The following PCBP3 variants were observed in gnomAD, a reference collection of about 807,000 sequenced individuals.
The protein encoded by PCBP3 is poly(rC) binding protein 3, also known as poly(rC)-binding protein 3.
A neutral mutation model predicts 52.7 loss-of-function variants in PCBP3; 25 were observed. That is an observed-to-expected ratio of 0.47 (90% CI 0.35 to 0.66). The LOEUF (loss-of-function observed/expected upper bound fraction) is 0.66, where lower values mean the gene tolerates loss of function less well. PCBP3 is among the 30% of genes least tolerant of loss of function. PCBP3 has a pLI of 0.01. For missense variants in PCBP3, 391 were observed against 490.3 expected, an observed-to-expected ratio of 0.80 and a Z score of 1.91; for synonymous variants, 162 against 183.0, an observed-to-expected ratio of 0.89 and a Z score of 0.93.
intron 4 of PCBP3, among the ~76,000 whole-genome samples, chr21:45,768,930 G>A (rs146142548): frequency 3.3e-5 from 5 of 152,358 alleles, no homozygotes; most frequent in East Asian, 3.9e-4. Context: ...GCTCCAAGGC[G>A]CAATCAGGGC....
chr21:45,644,440 T>C (rs937643109), intron 1 of PCBP3, among the ~76,000 whole-genome samples: 2 of 151,924 alleles, frequency 1.3e-5, no homozygotes, highest in African/African-American at 4.8e-5. Context: ...ATTTTGGGGG[T>C]GGTTAGAACG....
intron 3 of PCBP3, among the ~76,000 whole-genome samples, chr21:45,753,940 C>G (rs1311744208): frequency 6.6e-6 from 1 of 152,196 alleles, no homozygotes. Flanking sequence ...ACATTCATTA[C>G]TATTTGTTTC....
At chr21:45,899,928 T>G (rs1281734155) in intron 7 of PCBP3, among the ~76,000 whole-genome samples, 1 of 152,116 alleles carries the variant, frequency 6.6e-6, no homozygotes, top group African/African-American at 2.4e-5. Context: ...AAGAATGATT[T>G]CTCACGCCTT....
At chr21:45,719,194 T>A (rs2084441095) in intron 2 of PCBP3, among the ~76,000 whole-genome samples, 1 of 152,086 alleles carries the variant, frequency 6.6e-6, no homozygotes, top group Non-Finnish European at 1.5e-5. Context: ...GCAATAAGGT[T>A]GGCTTTACCT....
At chr21:45,915,113 G>A in intron 12 of PCBP3, 1 of 152,372 alleles carries the variant, frequency 6.6e-6, no homozygotes, top group Non-Finnish European at 1.5e-5. Flanking sequence ...CCACAGCCTG[G>A]CACACACCCC....
intron 4 of PCBP3, among the ~76,000 whole-genome samples, chr21:45,789,535 G>C (rs1473007839): frequency 6.6e-6 from 1 of 152,184 alleles, no homozygotes; most frequent in Non-Finnish European, 1.5e-5. Flanking sequence ...GGAAAGATGA[G>C]GGTGTGAGCC....
chr21:45,832,561 C>G (rs2093477949), intron 4 of PCBP3: 3 of 152,220 alleles, frequency 2.0e-5, no homozygotes, highest in Admixed American at 2.0e-4. Flanking sequence ...GACCCCACAC[C>G]TACATCATGT....
At chr21:45,825,313 G>C (rs747795878) in intron 4 of PCBP3, among the ~76,000 whole-genome samples, 1 of 152,224 alleles carries the variant, frequency 6.6e-6, no homozygotes, top group African/African-American at 2.4e-5. Context: ...ACTGCTGCCT[G>C]TCTGCATGGC....
At chr21:45,712,128 G>T (rs1253253613) in intron 2 of PCBP3, among the ~76,000 whole-genome samples, 1 of 152,130 alleles carries the variant, frequency 6.6e-6, no homozygotes, top group Non-Finnish European at 1.5e-5. Context: ...AATATACCTT[G>T]ATTTGTTTAT....
At chr21:45,820,892 G>C (rs1339726011) in intron 4 of PCBP3, among the ~76,000 whole-genome samples, 3 of 152,064 alleles carry the variant, frequency 2.0e-5, no homozygotes, top group Non-Finnish European at 4.4e-5. Context: ...CTTCAGCAGA[G>C]GCCCTCAGGA....
chr21:45,933,214 G>A (rs941040045), intron 15 of PCBP3, among the ~76,000 whole-genome samples: 4 of 152,078 alleles, frequency 2.6e-5, no homozygotes, highest in African/African-American at 9.7e-5. Flanking sequence ...GCTGTCCTGA[G>A]ACGAATGAAC....
intron 5 of PCBP3, chr21:45,873,341 C>T (rs2095113842): frequency 6.6e-6 from 1 of 152,194 alleles, no homozygotes; most frequent in Non-Finnish European, 1.5e-5. Flanking sequence ...ACTGCATGTA[C>T]CTTGTCTCAC....
intron 5 of PCBP3, among the ~76,000 whole-genome samples, chr21:45,884,455 A>G (rs1569432381): frequency 6.6e-6 from 1 of 152,140 alleles, no homozygotes; most frequent in Non-Finnish European, 1.5e-5. Context: ...TACACACACA[A>G]ATATATATAT....
chr21:45,869,845 C>T (rs1376534251), intron 5 of PCBP3, among the ~76,000 whole-genome samples: 1 of 152,246 alleles, frequency 6.6e-6, no homozygotes, highest in African/African-American at 2.4e-5. Flanking sequence ...CATTCCCTCG[C>T]AGGCAGGGCC....
intron 1 of PCBP3, among the ~76,000 whole-genome samples, chr21:45,648,485 C>G (rs867422513): frequency 6.6e-5 from 10 of 152,210 alleles, no homozygotes; most frequent in Admixed American, 1.3e-4. Context: ...TATACCACTC[C>G]CAATTGCCGT....
Position 45,785,468 on chromosome 21 carries a change from G to T in PCBP3, c.-126+30016G>T, listed in dbSNP as rs557953555. Among the ~76,000 whole-genome samples, 235 of 143,282 alleles carry T rather than the reference G, an allele frequency of 1.6e-3. 11 individuals carry two copies. Among genetic ancestry groups the T allele is most frequent in the African/African-American group, 6.0e-3 (224 of 37,420 alleles). The allele number at this position is 143,282 out of a possible 152,430, so 94.0% of individuals were successfully genotyped here. On this transcript the variant is annotated intron_variant, in intron 4 of 17. Transcript: ENST00000681687. ...GCCGCCCCGTCTGGGAGGAGGTGGGGGGGTCAGCCCCCCGCCTGGCCAGCC... is the reference window on the plus strand; with the variant it reads ...GCCGCCCCGTCTGGGAGGAGGTGGGTGGGTCAGCCCCCCGCCTGGCCAGCC...
intron 4 of PCBP3, among the ~76,000 whole-genome samples, chr21:45,798,180 G>A (rs924711960): frequency 5.6e-4 from 1 of 1,788 alleles, no homozygotes; most frequent in Non-Finnish European, 1.5e-3. Flanking sequence ...CATAGAGAGA[G>A]TGAATGCATG....
intron 5 of PCBP3, among the ~76,000 whole-genome samples, chr21:45,892,661 G>A (rs1432412924): frequency 6.6e-6 from 1 of 152,206 alleles, no homozygotes; most frequent in African/African-American, 2.4e-5. Context: ...CACTGCCAGG[G>A]CTGACCCCAA....
At position 45,832,381 on chromosome 21, in the gene PCBP3, A is replaced by G. The variant is rs544666138; in HGVS notation, c.-125-17580A>G. 2.6e-5 allele frequency among the ~76,000 whole-genome samples: 4 copies of G among 152,248 alleles called. No individual in the cohort carries two copies. In the South Asian group the frequency reaches 8.3e-4, roughly 32 times the overall value. On this transcript the variant is annotated intron_variant, in intron 4 of 17. Coordinates refer to ENST00000681687, the MANE Select transcript of PCBP3 (RefSeq NM_001384156.1). ...ACCCTGTATCTTGTGCTGACCTCCT[A>G]TCTCATCCCAAGACTTAGAATGCTT... is the stretch of plus-strand genomic sequence containing the variant.
Sources: allele counts gnomAD v4.1 joint callset (sites outside exome capture counted in the v4.1 genomes callset), GRCh38; gene constraint gnomAD v4.1.1; transcripts MANE v1.5; gene names NCBI Gene and HGNC (gene_info 2026-07-23, HGNC 2026-07-21).